DHX29: variants seen among roughly 807,000 people sequenced by gnomAD.
DHX29 encodes DExH-box helicase 29.
In DHX29, 79 loss-of-function variants were observed where a neutral mutation model predicts 167.9. The ratio of observed to expected loss-of-function variants is 0.47; its 90% CI spans 0.39 to 0.57. The LOEUF is 0.57. Ranked by LOEUF, DHX29 falls within the 20% of genes least tolerant of loss-of-function variation. The pLI, the probability that DHX29 is intolerant of heterozygous loss-of-function variation, is 0.00. For synonymous variants in DHX29, 530 were observed against 546.0 expected, an observed-to-expected ratio of 0.97 and a Z score of 0.41; for missense variants, 1,347 against 1,593.4, an observed-to-expected ratio of 0.85 and a Z score of 2.63.
chr5:55,278,123 T>C (rs1747216211), intron 12 of DHX29, among the ~76,000 whole-genome samples: 3 of 152,200 alleles, frequency 2.0e-5, no homozygotes, highest in Admixed American at 6.5e-5. Flanking sequence ...TTCCAACACA[T>C]GCATCTTAGG....
At chr5:55,258,725 T>A (rs964284444) in intron 26 of DHX29, among the ~76,000 whole-genome samples, 14 of 152,126 alleles carry the variant, frequency 9.2e-5, no homozygotes, top group African/African-American at 3.1e-4. Context: ...TAACTTTTTT[T>A]AATTGTTTGT....
rs1747969142 is a variant in DHX29, at chr5:55,290,222, T to C, written c.903A>G (p.Gln301=). ...KEAQEKIRKF[Q]REMETLEDHP... ...TAAGTATTTGAAAGTGTTTACCTCT[T>C]TGAAATTTCCTTATTTTTTCCTGAG... The change falls in exon 7 of 27, where the codon CAA becomes CAG. Residue 301 remains glutamine, a synonymous_variant. Coordinates refer to ENST00000251636, the MANE Select transcript of DHX29 (RefSeq NM_019030.4). 1.2e-6 allele frequency: 2 copies of C among 1,607,222 alleles called. No homozygotes were observed. The highest frequency in any genetic ancestry group is 1.7e-6 in the Non-Finnish European group (2 of 1,178,762).
At chr5:55,303,672 A>G (rs1229917563) in intron 1 of DHX29, among the ~76,000 whole-genome samples, 1 of 152,172 alleles carries the variant, frequency 6.6e-6, no homozygotes, top group East Asian at 1.9e-4. Context: ...ACACAGCACT[A>G]TCTTCTTACA....
In DHX29 at chr5:55,294,162, A is replaced by G. The variant is rs1378909881; in HGVS notation, c.652-17T>C. ...CTTTTTTGGCTAGAAAGAGAAAACA[A>G]ATATCTGAAAAACCAAAGTTAGAAA... On this transcript the variant is annotated splice_polypyrimidine_tract_variant and intron_variant, in intron 5 of 26. Transcript: ENST00000251636. 3 of 1,562,972 alleles carry G rather than the reference A, an allele frequency of 1.9e-6. No individual in the cohort carries two copies. The African/African-American group carries it at 4.1e-5, about 22-fold the overall frequency.
intron 2 of DHX29, 114 bp downstream of exon 2, chr5:55,298,477 T>C (rs1201479688): frequency 3.1e-6 from 2 of 635,264 alleles, no homozygotes; most frequent in African/African-American, 3.7e-5. Flanking sequence ...CTTAGAGTAC[T>C]ATTTACAAAA....
intron 3 of DHX29, 110 bp from the exon 4 acceptor site, chr5:55,296,459 A>G: frequency 7.6e-7 from 1 of 1,309,368 alleles, no homozygotes; most frequent in Non-Finnish European, 1.0e-6. Flanking sequence ...TATAATTTCA[A>G]AACTATCTTT....
intron 13 of DHX29, among the ~76,000 whole-genome samples, 159 bp downstream of exon 13, chr5:55,276,947 G>GT (rs1416017514): frequency 4.6e-5 from 7 of 152,298 alleles, no homozygotes; most frequent in South Asian, 2.1e-4. Flanking sequence ...AGGCAAGGCA[G>GT]TAACAGTCAT....
chr5:55,307,546 C>T lies in DHX29; in HGVS notation c.28G>A (p.Ala10Thr). 1 of 1,613,718 alleles carries T rather than the reference C, an allele frequency of 6.2e-7. No homozygotes were observed. Among genetic ancestry groups the T allele is most frequent in the South Asian group, 1.1e-5 (1 of 91,078 alleles). The change falls in exon 1 of 27, where the codon GCT becomes ACT. Residue 10 changes from alanine to threonine, a missense_variant. Ala to Thr is a moderately conservative substitution (Grantham distance 58, BLOSUM62 0). This residue lies in a region of DHX29 where 405 missense variants were observed against 416.8 expected (regional missense o/e 0.97). Transcript: ENST00000251636. MGGKNKKHK[A>T]PAAAVVRAAV... ...GCCCGGACCACCGCGGCCGCTGGAG[C>T]CTTGTGTTTCTTGTTCTTGCCGCCC... is the stretch of plus-strand genomic sequence containing the variant.
In DHX29 at chr5:55,289,312, T is replaced by TAAAATTCAATGCGAATG; in HGVS notation, c.1023_1024insCATTCGCATTGAATTTT (p.Asn342HisfsTer4). On this transcript the variant is annotated stop_gained and frameshift_variant, in exon 8 of 27. Transcript: ENST00000251636. LOFTEE classifies it high-confidence loss of function. The stretch of plus-strand genomic sequence containing the variant: ...GCAGCTGCAGATTTTTCAAATAAAT[T>TAAAATTCAATGCGAATG]AAAATTCAATGCACTTTCTCCTTCT... The TAAAATTCAATGCGAATG allele has an allele frequency of 1.3e-6, 2 of 1,585,614 alleles. No homozygotes were observed. Among genetic ancestry groups the TAAAATTCAATGCGAATG allele is most frequent in the Non-Finnish European group, 1.7e-6 (2 of 1,171,274 alleles).
Position 55,277,144 on chromosome 5 carries a change from G to A in DHX29, c.2248C>T (p.Pro750Ser). 1.9e-6 allele frequency: 3 copies of A among 1,612,700 alleles called. No individual in the cohort carries two copies. The South Asian group carries it at 3.3e-5, about 18-fold the overall frequency. Residue 750 changes from proline (P) to serine (S), a missense_variant, in exon 13 of 27, where the codon CCC (proline) becomes TCC (serine). Around this residue, in one of 3 missense-constraint regions of DHX29, gnomAD observed 882 missense variants for 1,082.4 expected, o/e 0.81. Transcript: ENST00000251636. Reference sequence around the variant, plus strand: ...CTTCTTCCTGAAATTCTGAGAATGGGGCAGTGTGTGAAATATGTAGAAAAT... The same window carrying A: ...CTTCTTCCTGAAATTCTGAGAATGGAGCAGTGTGTGAAATATGTAGAAAAT... ...EKFSTYFTHC[P>S]ILRISGRSYP...
At chr5:55,299,649 G>C (rs1748503369) in intron 1 of DHX29, among the ~76,000 whole-genome samples, 1 of 151,850 alleles carries the variant, frequency 6.6e-6, no homozygotes, top group Admixed American at 6.6e-5. Context: ...TCATTCACAC[G>C]GCCTTCTTCC....
intron 23 of DHX29, among the ~76,000 whole-genome samples, chr5:55,266,497 C>T (rs540369836): frequency 2.0e-4 from 30 of 150,230 alleles, no homozygotes; most frequent in South Asian, 4.2e-4. Flanking sequence ...TTAGTAGAGA[C>T]GGGGTTTCTC....
intron 17 of DHX29, 142 bp downstream of exon 17, chr5:55,273,151 G>A (rs1746935077): frequency 4.1e-6 from 3 of 736,944 alleles, no homozygotes; most frequent in African/African-American, 3.6e-5. Context: ...TTCTGATGAT[G>A]GCAAGGTGCA....
In DHX29 at chr5:55,283,906, A is replaced by C; in HGVS notation, c.1357-95T>G. The C allele has an allele frequency of 2.9e-6, 3 of 1,034,674 alleles. No homozygotes were observed. In the South Asian group the frequency reaches 6.1e-5, roughly 21 times the overall value. 64.1% of individuals were successfully genotyped at this position (1,034,674 alleles called of 1,614,324 possible). A position where few individuals can be genotyped will look rare whatever the true frequency, so the allele number is the denominator to read the frequency against. ...AAAAGGATAGCTATATTCATCTTAAAATATAATTTGACTCAAATTATTATT... is the reference window on the plus strand; with the variant it reads ...AAAAGGATAGCTATATTCATCTTAACATATAATTTGACTCAAATTATTATT... On this transcript the variant is annotated intron_variant, in intron 10 of 26. Coordinates refer to ENST00000251636, the MANE Select transcript of DHX29 (RefSeq NM_019030.4).
intron 7 of DHX29, 93 bp from the exon 8 acceptor site, chr5:55,289,521 G>T: frequency 9.8e-7 from 1 of 1,023,412 alleles, no homozygotes; most frequent in Non-Finnish European, 1.3e-6. Context: ...TACACCAAGA[G>T]TTTCATGGTT....
chr5:55,258,654 C>T (rs1241820907), intron 26 of DHX29, among the ~76,000 whole-genome samples: 1 of 152,100 alleles, frequency 6.6e-6, no homozygotes. Context: ...GACTGGAGTG[C>T]GGATACTCGC....
In DHX29 at chr5:55,262,806, C is replaced by T. The variant is rs778430158; in HGVS notation, c.3652G>A (p.Ala1218Thr). The T allele has an allele frequency of 6.2e-7, 1 of 1,614,076 alleles. No individual in the cohort carries two copies. Among genetic ancestry groups the T allele is most frequent in the East Asian group, 2.2e-5 (1 of 44,870 alleles). Residue 1218 changes from alanine (A) to threonine (T), a missense_variant, in exon 24 of 27, where the codon GCT becomes ACT. Ala to Thr is a moderately conservative substitution (Grantham distance 58). This residue lies in a region of DHX29 where 882 missense variants were observed against 1,082.4 expected (regional missense o/e 0.81). Coordinates refer to ENST00000251636, the MANE Select transcript of DHX29 (RefSeq NM_019030.4). ...LSFQEIALLK[A>T]VLVAGLYDNV... The stretch of plus-strand genomic sequence containing the variant: ...TCATACAGTCCAGCCACCAGTACAG[C>T]TTTAAGAAGGGCAATTTCTTGGAAT...
At chr5:55,294,407 G>C (rs1001699781) in intron 5 of DHX29, among the ~76,000 whole-genome samples, 1 of 152,242 alleles carries the variant, frequency 6.6e-6, no homozygotes, top group African/African-American at 2.4e-5. Context: ...GGGTGCGGTG[G>C]CTCACGCTTG....
chr5:55,262,159 A>G (rs1028906806), intron 24 of DHX29, among the ~76,000 whole-genome samples: 1 of 152,226 alleles, frequency 6.6e-6, no homozygotes, highest in African/African-American at 2.4e-5. Flanking sequence ...ATGCAGCTCC[A>G]ATTCAAAAGG....
Sources: gnomAD v4.1 joint callset for allele counts (sites outside exome capture counted in the v4.1 genomes callset) on GRCh38, gnomAD v4.1.1 for gene constraint, gnomAD v4.1.1 regional missense constraint, MANE v1.5 for transcripts, NCBI Gene and HGNC (gene_info 2026-07-23, HGNC 2026-07-21) for gene names.